PRKAG2: variants seen among roughly 807,000 people sequenced by gnomAD.
PRKAG2 encodes 5'-AMP-activated protein kinase subunit gamma-2.
A neutral mutation model predicts 69.6 loss-of-function variants in PRKAG2; 26 were observed. The ratio of observed to expected loss-of-function variants is 0.37; its 90% CI spans 0.27 to 0.52. The LOEUF (loss-of-function observed/expected upper bound fraction) is 0.52. Among genes scored for constraint, PRKAG2 ranks in the 20% least tolerant of loss-of-function variants. The probability of loss-of-function intolerance (pLI) is 0.90; values close to 1 mark genes in which losing one functional copy is unlikely to be tolerated. For synonymous variants in PRKAG2, 293 were observed against 285.0 expected, an observed-to-expected ratio of 1.03 and a Z score of -0.28; for missense variants, 557 against 740.0, an observed-to-expected ratio of 0.75 and a Z score of 2.87.
chr7:151,763,517 G>A (rs892918046), intron 3 of PRKAG2, among the ~76,000 whole-genome samples: 2 of 152,324 alleles, frequency 1.3e-5, no homozygotes, highest in Middle Eastern at 3.4e-3. Context: ...CTGACCCCAG[G>A]GCCTTGAAGG....
chr7:151,747,125 G>A (rs1026462093), intron 3 of PRKAG2, among the ~76,000 whole-genome samples: 4 of 152,074 alleles, frequency 2.6e-5, no homozygotes, highest in Admixed American at 6.6e-5. Flanking sequence ...AGCAGAACTC[G>A]GGCAGAGGGC....
intron 15 of PRKAG2, chr7:151,558,357 G>C (rs1219980325): frequency 4.2e-5 from 41 of 985,270 alleles, no homozygotes; most frequent in Non-Finnish European, 4.5e-5. Flanking sequence ...AACAGTGCAG[G>C]TCCCGGGCAC....
At chr7:151,652,775 G>A (rs1828750105) in intron 4 of PRKAG2, among the ~76,000 whole-genome samples, 1 of 152,086 alleles carries the variant, frequency 6.6e-6, no homozygotes, top group African/African-American at 2.4e-5. Context: ...ACAGATGTGA[G>A]CCACCACACC....
At position 151,632,008 on chromosome 7, in the gene PRKAG2, C is replaced by T; in HGVS notation, c.754+61G>A. ...ATGGGGCGCGGGGTCCCCGCGGGTC[C>T]CGGTCCTCGGGCGGCCGGGCCGTGG... On this transcript the variant is annotated intron_variant, in intron 5 of 15. Coordinates refer to ENST00000287878, the MANE Select transcript of PRKAG2 (RefSeq NM_016203.4). This position sits in a 1 kb window ranked among gnomAD's most constrained non-coding sequence, Gnocchi z 4.2. The T allele has an allele frequency of 8.3e-7, 1 of 1,200,524 alleles. No individual in the cohort carries two copies. The highest frequency in any genetic ancestry group is 1.0e-6 in the Non-Finnish European group (1 of 964,884). The allele number at this position is 1,200,524 out of a possible 1,614,324, so 74.4% of individuals were successfully genotyped here.
In PRKAG2 at chr7:151,781,394, C is replaced by A. The variant is rs199963585; in HGVS notation, c.224G>T (p.Gly75Val). Residue 75 changes from glycine (G) to valine (V), a missense_variant, in exon 3 of 16, where the codon GGG becomes GTG. By Grantham distance (109) the Gly-to-Val change is moderately radical. Transcript: ENST00000287878. The surrounding 1 kb of genome is among the most constrained non-coding windows in gnomAD (Gnocchi z 6.1). ...GGGCTGGGGGCCTCTGGAGAAGAACCCTTTGGAGGGGCTGCCCGGGCCGAA... is the reference window on the plus strand; with the variant it reads ...GGGCTGGGGGCCTCTGGAGAAGAACACTTTGGAGGGGCTGCCCGGGCCGAA... ...SPFGPGSPSK[G>V]FFSRGPQPRP... The A allele has an allele frequency of 2.5e-6, 4 of 1,612,008 alleles. No homozygotes were observed. Among genetic ancestry groups the A allele is most frequent in the Middle Eastern group, 1.7e-4 (1 of 5,968 alleles).
intron 3 of PRKAG2, among the ~76,000 whole-genome samples, chr7:151,751,238 C>G (rs1341703031): frequency 6.6e-6 from 1 of 151,756 alleles, no homozygotes; most frequent in Non-Finnish European, 1.5e-5. Flanking sequence ...GCTGGGACTA[C>G]AGGTGCCCGC....
intron 5 of PRKAG2, among the ~76,000 whole-genome samples, chr7:151,599,465 T>G (rs1815452985): frequency 1.3e-5 from 2 of 152,164 alleles, no homozygotes; most frequent in Admixed American, 1.3e-4. Flanking sequence ...AAATATAATC[T>G]AATCCAGATG....
Position 151,807,897 on chromosome 7 carries a change from G to A in PRKAG2, c.115-21356C>T, listed in dbSNP as rs1563710802. Among the ~76,000 whole-genome samples, 1 of 152,160 alleles carries A rather than the reference G, an allele frequency of 6.6e-6. No individual in the cohort carries two copies. Among genetic ancestry groups the A allele is most frequent in the Non-Finnish European group, 1.5e-5 (1 of 68,034 alleles). ...AAACCGCTTGGAGAATAAAAGTCGG[G>A]GGAAGCCTGTAGTGGGGACGCTAGA... On this transcript the variant is annotated intron_variant, in intron 1 of 15. Coordinates refer to ENST00000287878, the MANE Select transcript of PRKAG2 (RefSeq NM_016203.4). The surrounding 1 kb of genome is among the most constrained non-coding windows in gnomAD (Gnocchi z 4.4).
chr7:151,708,919 C>T (rs10480300), intron 3 of PRKAG2, among the ~76,000 whole-genome samples: 35,970 of 152,046 alleles, frequency 0.24, 4,620 homozygotes, highest in Non-Finnish European at 0.28. Flanking sequence ...CACCAGGGCA[C>T]GCCACTGCTC....
At chr7:151,797,227 A>C (rs1338950316) in intron 1 of PRKAG2, among the ~76,000 whole-genome samples, 717 of 129,820 alleles carry the variant, frequency 5.5e-3, no homozygotes, top group African/African-American at 7.3e-3. Flanking sequence ...GCTTCTTGCC[A>C]CCCCCCCCAC....
intron 5 of PRKAG2, among the ~76,000 whole-genome samples, chr7:151,612,110 A>T (rs963462970): frequency 1.3e-5 from 2 of 152,178 alleles, no homozygotes; most frequent in Admixed American, 6.5e-5. Flanking sequence ...CGACACCAGC[A>T]TCACTAAAGG....
At chr7:151,795,361 C>A (rs2077444197) in intron 1 of PRKAG2, among the ~76,000 whole-genome samples, 1 of 152,106 alleles carries the variant, frequency 6.6e-6, no homozygotes, top group Non-Finnish European at 1.5e-5. Context: ...CAGCTCCCTT[C>A]CAAGGGTGTG....
chr7:151,587,076 G>A (rs533778862), intron 6 of PRKAG2, among the ~76,000 whole-genome samples: 3 of 152,136 alleles, frequency 2.0e-5, no homozygotes, highest in Non-Finnish European at 4.4e-5. Flanking sequence ...TGGGAGAATC[G>A]CTTCAAGTGA....
At chr7:151,709,798 T>C (rs535509603) in intron 3 of PRKAG2, among the ~76,000 whole-genome samples, 15 of 152,326 alleles carry the variant, frequency 9.8e-5, no homozygotes, top group African/African-American at 3.6e-4. Context: ...TGTGAAGTGA[T>C]ATGTGTAACA....
chr7:151,753,173 T>C (rs969459256), intron 3 of PRKAG2, among the ~76,000 whole-genome samples: 4 of 152,222 alleles, frequency 2.6e-5, no homozygotes, highest in Admixed American at 2.6e-4. Flanking sequence ...ATGAAGAGAC[T>C]GAAGAGAAAG....
intron 1 of PRKAG2, among the ~76,000 whole-genome samples, chr7:151,855,287 C>A (rs1586729157): frequency 1.6e-5 from 2 of 123,138 alleles, no homozygotes; most frequent in Non-Finnish European, 1.7e-5. Context: ...CACACACCAC[C>A]CTCCACACAC....
intron 1 of PRKAG2, among the ~76,000 whole-genome samples, chr7:151,795,846 CATATATAT>C (rs55657994): frequency 0.032 from 1,813 of 56,656 alleles, 30 homozygotes; most frequent in Middle Eastern, 0.1. Context: ...AAACAAATCT[CATATATAT>C]ATATATATAT....
chr7:151,876,740 T>A lies in PRKAG2; in HGVS notation c.-120A>T. Reference sequence around the variant, plus strand: ...TCTGTTACACCCTGAAGCCACCTCGTGGGGACTTCCGCGGAGAGGGAGGGT... The same window carrying A: ...TCTGTTACACCCTGAAGCCACCTCGAGGGGACTTCCGCGGAGAGGGAGGGT... On this transcript the variant is annotated 5_prime_UTR_variant, in exon 1 of 16. Transcript: ENST00000287878. The A allele has an allele frequency of 1.0e-6, 1 of 963,172 alleles. No individual in the cohort carries two copies. The highest frequency in any genetic ancestry group is 1.6e-6 in the Non-Finnish European group (1 of 623,422). 59.7% of individuals were successfully genotyped at this position (963,172 alleles called of 1,614,324 possible).
chr7:151,813,831 G>A (rs996158257), intron 1 of PRKAG2, among the ~76,000 whole-genome samples: 5 of 152,152 alleles, frequency 3.3e-5, no homozygotes, highest in African/African-American at 1.2e-4. Flanking sequence ...TCCACGCTCC[G>A]CAGGAGGCCA....
Sources: allele counts gnomAD v4.1 joint callset (sites outside exome capture counted in the v4.1 genomes callset), GRCh38; gene constraint gnomAD v4.1.1; non-coding constraint Gnocchi (gnomAD v3.1); transcripts MANE v1.5; gene names NCBI Gene and HGNC (gene_info 2026-07-23, HGNC 2026-07-21).